The following APELA variants were observed in gnomAD, a reference collection of about 807,000 sequenced individuals.
APELA encodes protein Elabela.
At chr4:164,878,196 A>AAAAGAAAGAAAGAAAG (rs11404085) in intron 1 of APELA, among the ~76,000 whole-genome samples, 8,895 of 143,344 alleles carry the variant, frequency 0.062, 327 homozygotes, top group South Asian at 0.079. Flanking sequence ...AGAAACAGAA[A>AAAAGAAAGAAAGAAAG]AAAGAAAGAA....
intron 1 of APELA, among the ~76,000 whole-genome samples, chr4:164,878,196 A>AAAAAGAAAGAAAGAAAGAAAG (rs1553970692): frequency 9.1e-5 from 13 of 143,382 alleles, no homozygotes; most frequent in African/African-American, 3.4e-4. Context: ...AGAAACAGAA[A>AAAAAGAAAGAAAGAAAGAAAG]AAAGAAAGAA....
intron 2 of APELA, among the ~76,000 whole-genome samples, chr4:164,882,434 A>T (rs797002143): frequency 6.6e-6 from 1 of 152,104 alleles, no homozygotes; most frequent in African/African-American, 2.4e-5. Flanking sequence ...ATTGTAATAC[A>T]TCTTCATGGT....
intron 2 of APELA, among the ~76,000 whole-genome samples, chr4:164,891,181 G>T (rs1157006221): frequency 6.6e-6 from 1 of 151,968 alleles, no homozygotes. Context: ...CCATTCTGTG[G>T]ATGTCTTTTT....
intron 2 of APELA, among the ~76,000 whole-genome samples, chr4:164,885,588 A>G (rs988042912): frequency 6.6e-6 from 1 of 152,020 alleles, no homozygotes; most frequent in Non-Finnish European, 1.5e-5. Flanking sequence ...TGAAAATACA[A>G]AAATTAGCCA....
chr4:164,879,126 C>G, intron 2 of APELA, 117 bp downstream of exon 2: 2 of 396,374 alleles, frequency 5.0e-6, no homozygotes, highest in East Asian at 7.2e-5. Context: ...AATGTCAAGA[C>G]TTAAGAGATG....
intron 2 of APELA, among the ~76,000 whole-genome samples, chr4:164,884,209 A>C (rs1730724931): frequency 6.6e-6 from 1 of 152,088 alleles, no homozygotes; most frequent in Non-Finnish European, 1.5e-5. Context: ...GAGGGAAAGA[A>C]GAAAGAAAAA....
At chr4:164,886,205 G>C (rs1315037271) in intron 2 of APELA, among the ~76,000 whole-genome samples, 1 of 151,904 alleles carries the variant, frequency 6.6e-6, no homozygotes, top group Non-Finnish European at 1.5e-5. Flanking sequence ...TCCTGTGTGG[G>C]CTGAAATATC....
intron 2 of APELA, among the ~76,000 whole-genome samples, chr4:164,893,022 A>G (rs985370860): frequency 6.6e-6 from 1 of 152,112 alleles, no homozygotes; most frequent in Non-Finnish European, 1.5e-5. Flanking sequence ...AATAAAGTTC[A>G]TCAATTTTGT....
intron 2 of APELA, among the ~76,000 whole-genome samples, chr4:164,891,790 T>C (rs992990154): frequency 3.3e-5 from 5 of 152,160 alleles, no homozygotes; most frequent in Non-Finnish European, 5.9e-5. Flanking sequence ...TTTCTTTTCT[T>C]GCCTAAGTGC....
intron 1 of APELA, among the ~76,000 whole-genome samples, chr4:164,878,638 A>G (rs1185111051): frequency 6.6e-6 from 1 of 152,212 alleles, no homozygotes; most frequent in Non-Finnish European, 1.5e-5. Context: ...TTAGGAAAAA[A>G]TCATTCAAAA....
chr4:164,879,733 C>T (rs1730624072), intron 2 of APELA, among the ~76,000 whole-genome samples: 1 of 152,228 alleles, frequency 6.6e-6, no homozygotes. Context: ...ATGTAAGCCA[C>T]CACACTTCAT....
chr4:164,882,581 T>G (rs966992228), intron 2 of APELA, among the ~76,000 whole-genome samples: 1 of 147,840 alleles, frequency 6.8e-6, no homozygotes, highest in Non-Finnish European at 1.5e-5. Flanking sequence ...TTTAATACAT[T>G]ATTATTATTA....
At chr4:164,895,085 G>A (rs1730947792) in intron 2 of APELA, among the ~76,000 whole-genome samples, 1 of 152,174 alleles carries the variant, frequency 6.6e-6, no homozygotes, top group African/African-American at 2.4e-5. Flanking sequence ...TGTAATCCTA[G>A]CTATTCAGGA....
At chr4:164,878,344 C>T (rs17045721) in intron 1 of APELA, among the ~76,000 whole-genome samples, 7,242 of 152,076 alleles carry the variant, frequency 0.048, 504 homozygotes, top group African/African-American at 0.16. Context: ...GAACAGAAAA[C>T]GATGCATCAC....
intron 2 of APELA, among the ~76,000 whole-genome samples, chr4:164,886,641 G>A (rs558589780): frequency 5.9e-4 from 90 of 151,462 alleles, no homozygotes; most frequent in Admixed American, 1.4e-3. Flanking sequence ...GTGAGACTCC[G>A]TCTAAAAAAA....
chr4:164,885,350 C>G (rs569989529), intron 2 of APELA, among the ~76,000 whole-genome samples: 1 of 151,626 alleles, frequency 6.6e-6, no homozygotes, highest in South Asian at 2.1e-4. Flanking sequence ...AGGTTGGTCT[C>G]GAACTCCTGA....
intron 2 of APELA, among the ~76,000 whole-genome samples, chr4:164,894,703 C>G (rs573073768): frequency 1.3e-5 from 2 of 152,274 alleles, no homozygotes; most frequent in African/African-American, 4.8e-5. Flanking sequence ...CCATACCCAG[C>G]CACACATATA....
intron 2 of APELA, among the ~76,000 whole-genome samples, chr4:164,884,124 A>G (rs1193076480): frequency 3.7e-4 from 54 of 146,760 alleles, no homozygotes; most frequent in African/African-American, 1.3e-3. Flanking sequence ...AAAGAAAGAG[A>G]AAGAAAGAAA....
Position 164,880,259 on chromosome 4 carries a change from G to A in APELA, c.*1+1250G>A, listed in dbSNP as rs528502552. ...TGTTTAATGCATGCTTTCCAAACCC[G>A]GGGAAAGCCCTGTAGTAGAAAATTA... On this transcript the variant is annotated intron_variant, in intron 2 of 2. Transcript: ENST00000507152. Among the ~76,000 whole-genome samples the A allele has an allele frequency of 8.5e-5, 13 of 152,260 alleles. No individual in the cohort carries two copies. In the South Asian group the frequency reaches 1.5e-3, roughly 17 times the overall value.
Sources: gnomAD v4.1 joint callset for allele counts (sites outside exome capture counted in the v4.1 genomes callset) on GRCh38, gnomAD v4.1.1 for gene constraint, MANE v1.5 for transcripts, NCBI Gene and HGNC (gene_info 2026-07-23, HGNC 2026-07-21) for gene names.